DTX4: variants seen among roughly 807,000 people sequenced by gnomAD.
DTX4 encodes the protein deltex E3 ubiquitin ligase 4.
A neutral mutation model predicts 57.6 loss-of-function variants in DTX4; 28 were observed. The observed-to-expected ratio is 0.49, with a 90% CI of 0.36 to 0.67. The LOEUF (loss-of-function observed/expected upper bound fraction) is 0.67, where lower values mean the gene tolerates loss of function less well. Among genes scored for constraint, DTX4 ranks in the 30% least tolerant of loss-of-function variants. DTX4 has a pLI of 0.00. For missense variants in DTX4, 715 were observed against 836.8 expected (o/e 0.85, Z 1.80); for synonymous variants, 316 against 331.0 (o/e 0.95, Z 0.49).
At chr11:59,173,297 G>C (rs1411266974) in intron 1 of DTX4, among the ~76,000 whole-genome samples, 1 of 152,188 alleles carries the variant, frequency 6.6e-6, no homozygotes, top group Non-Finnish European at 1.5e-5. Flanking sequence ...TCTCCTGTGT[G>C]GGATGCCTCC....
At chr11:59,201,970 C>T (rs1862745955) in intron 8 of DTX4, among the ~76,000 whole-genome samples, 1 of 152,228 alleles carries the variant, frequency 6.6e-6, no homozygotes, top group Non-Finnish European at 1.5e-5. Flanking sequence ...TTCCTCCCTG[C>T]ACTCACTGCC....
Position 59,182,294 on chromosome 11 carries a change from A to G in DTX4, c.767A>G (p.Gln256Arg). The change falls in exon 2 of 9, where the codon CAG becomes CGG. Residue 256 changes from glutamine to arginine, a missense_variant. Transcript: ENST00000227451. Reference sequence around the variant, plus strand: ...GGCCCACTGAAGACCGCCCCATCGCAGGTGATCCGGAGACAAGCCTCCAGC... The same window carrying G: ...GGCCCACTGAAGACCGCCCCATCGCGGGTGATCCGGAGACAAGCCTCCAGC... ...IRGPLKTAPS[Q>R]VIRRQASSMP... The G allele has an allele frequency of 1.2e-6, 2 of 1,612,428 alleles. No individual in the cohort carries two copies. The highest frequency in any genetic ancestry group is 3.3e-5 in the Admixed American group (2 of 60,024).
At chr11:59,191,482 G>T in intron 5 of DTX4, among the ~76,000 whole-genome samples, 1 of 152,200 alleles carries the variant, frequency 6.6e-6, no homozygotes, top group East Asian at 1.9e-4. Context: ...GTTTGATACA[G>T]AACAGTGGTT....
chr11:59,198,663 C>T (rs1480833508), intron 7 of DTX4, among the ~76,000 whole-genome samples: 2 of 152,148 alleles, frequency 1.3e-5, no homozygotes, highest in Non-Finnish European at 2.9e-5. Context: ...CTTCCACACT[C>T]GTTCATTTAT....
chr11:59,199,004 G>T (rs912673021), intron 7 of DTX4, among the ~76,000 whole-genome samples: 6 of 152,138 alleles, frequency 3.9e-5, no homozygotes, highest in Admixed American at 3.9e-4. Flanking sequence ...TACTTAATAG[G>T]GTATTGGGTG....
intron 1 of DTX4, among the ~76,000 whole-genome samples, chr11:59,181,044 A>G (rs535139268): frequency 1.3e-5 from 2 of 151,220 alleles, no homozygotes; most frequent in Non-Finnish European, 3.0e-5. Context: ...TTTTTTTTGG[A>G]CAGCATTTAT....
chr11:59,178,486 TTAATGAGTGCTCAGGGATATGTGA>T (rs1862421991), intron 1 of DTX4, among the ~76,000 whole-genome samples: 1 of 152,186 alleles, frequency 6.6e-6, no homozygotes, highest in East Asian at 1.9e-4. Context: ...CCCATAGCAG[TTAATGAGTGCTCAGGGATATGTGA>T]TAAATGATTA....
chr11:59,176,515 A>G (rs567812413), intron 1 of DTX4, among the ~76,000 whole-genome samples: 2 of 152,358 alleles, frequency 1.3e-5, no homozygotes, highest in Non-Finnish European at 2.9e-5. Context: ...GACATGTGAG[A>G]TATAGCAATA....
chr11:59,196,131 T>C (rs1424195671), intron 7 of DTX4, among the ~76,000 whole-genome samples: 1 of 152,242 alleles, frequency 6.6e-6, no homozygotes, highest in Non-Finnish European at 1.5e-5. Flanking sequence ...TATCCTCTTT[T>C]CCTCCCTCCT....
intron 1 of DTX4, among the ~76,000 whole-genome samples, chr11:59,181,520 A>T (rs1293814014): frequency 6.6e-6 from 1 of 152,172 alleles, no homozygotes; most frequent in Non-Finnish European, 1.5e-5. Flanking sequence ...CATATCCTTC[A>T]TGCTGTAACT....
chr11:59,188,242 G>A (rs1862550878), intron 2 of DTX4, among the ~76,000 whole-genome samples: 2 of 152,170 alleles, frequency 1.3e-5, no homozygotes, highest in African/African-American at 4.8e-5. Context: ...TAGAGCAGGA[G>A]TCCTGGCGTG....
At position 59,202,903 on chromosome 11, in the gene DTX4, A is replaced by G. The variant is rs151337847; in HGVS notation, c.1627-1773A>G. 1.2e-3 allele frequency among the ~76,000 whole-genome samples: 183 copies of G among 152,368 alleles called. 2 individuals are homozygous for G. Among genetic ancestry groups the G allele is most frequent in the African/African-American group, 4.2e-3 (174 of 41,592 alleles). On this transcript the variant is annotated intron_variant, in intron 8 of 8. Transcript: ENST00000227451. Reference sequence around the variant, plus strand: ...CTATTACACAGCTAGGCAATATGGTATAGCCTATTGCTTCTAGGCTACAAA... The same window carrying G: ...CTATTACACAGCTAGGCAATATGGTGTAGCCTATTGCTTCTAGGCTACAAA...
At chr11:59,190,365 C>T (rs148678474) in intron 4 of DTX4, among the ~76,000 whole-genome samples, 1 of 152,264 alleles carries the variant, frequency 6.6e-6, no homozygotes, top group East Asian at 1.9e-4. Context: ...TCAAAGCAAC[C>T]CTTTGAGGTA....
In DTX4 at chr11:59,182,421, G is replaced by A. The variant is rs1032361380; in HGVS notation, c.894G>A (p.Gln298=). ...CCACCTTGAATCGTACCAACCTGCA[G>A]CGACTGGCCATTGCCCAGTCCCGGG... is the stretch of plus-strand genomic sequence containing the variant. ...ALATLNRTNL[Q]RLAIAQSRVL... Residue 298 remains glutamine (Q), a synonymous_variant, in exon 2 of 9, where the codon CAG becomes CAA. Transcript: ENST00000227451. 2.5e-6 allele frequency: 4 copies of A among 1,612,686 alleles called. No individual in the cohort carries two copies. In the African/African-American group the frequency reaches 5.3e-5, roughly 22 times the overall value.
chr11:59,194,689 G>A (rs1011561915), intron 6 of DTX4, among the ~76,000 whole-genome samples: 8 of 152,230 alleles, frequency 5.3e-5, no homozygotes, highest in African/African-American at 1.9e-4. Flanking sequence ...TCAGATGGCA[G>A]AGCTAAGAAT....
chr11:59,180,188 C>G (rs1193176405), intron 1 of DTX4, among the ~76,000 whole-genome samples: 1 of 152,142 alleles, frequency 6.6e-6, no homozygotes, highest in African/African-American at 2.4e-5. Flanking sequence ...GACAAAACCA[C>G]CCCTATTGGC....
chr11:59,180,681 C>T (rs1334424893), intron 1 of DTX4, among the ~76,000 whole-genome samples: 1 of 152,166 alleles, frequency 6.6e-6, no homozygotes, highest in Non-Finnish European at 1.5e-5. Flanking sequence ...AATGTTGACA[C>T]CATGAAATGA....
At chr11:59,192,337 C>G in intron 6 of DTX4, 87 bp downstream of exon 6, 1 of 1,507,256 alleles carries the variant, frequency 6.6e-7, no homozygotes, top group Non-Finnish European at 9.2e-7. Context: ...GGCCCTTGCT[C>G]AAGTGATCTG....
Position 59,207,971 on chromosome 11 carries a change from G to A in DTX4, c.*3062G>A, listed in dbSNP as rs1005197095. 1.3e-5 allele frequency: 2 copies of A among 152,464 alleles called. No individual in the cohort carries two copies. The highest frequency in any genetic ancestry group is 2.4e-5 in the African/African-American group (1 of 41,358). 9.4% of individuals were successfully genotyped at this position (152,464 alleles called of 1,614,324 possible). A position where few individuals can be genotyped will look rare whatever the true frequency, so the allele number is the denominator to read the frequency against. On this transcript the variant is annotated 3_prime_UTR_variant, in exon 9 of 9. Transcript: ENST00000227451. Reference sequence around the variant, plus strand: ...GGGAAGGCTCACTGGTACAAGAAAGGACCCCTGACCCCTTTCCTTCTCTGT... The same window carrying A: ...GGGAAGGCTCACTGGTACAAGAAAGAACCCCTGACCCCTTTCCTTCTCTGT...
Sources: gnomAD v4.1 joint callset for allele counts (sites outside exome capture counted in the v4.1 genomes callset) on GRCh38, gnomAD v4.1.1 for gene constraint, MANE v1.5 for transcripts, NCBI Gene and HGNC (gene_info 2026-07-23, HGNC 2026-07-21) for gene names.